Variants in MBNL2 observed in about 807,000 individuals in gnomAD.
The protein encoded by MBNL2 is muscleblind like splicing regulator 2, also known as muscleblind-like protein 2.
Under a neutral mutation model 41.9 loss-of-function variants are expected in MBNL2, and 17 were observed. That is an observed-to-expected ratio of 0.41 (90% CI 0.28 to 0.61). MBNL2 has a LOEUF of 0.61. MBNL2 is among the 20% of genes least tolerant of loss of function. MBNL2 has a pLI of 0.35. For missense variants in MBNL2, 336 were observed against 505.6 expected, an observed-to-expected ratio of 0.66 and a Z score of 3.22; for synonymous variants, 195 against 182.9, an observed-to-expected ratio of 1.07 and a Z score of -0.53.
chr13:97,372,340 T>C (rs140653082), intron 8 of MBNL2, among the ~76,000 whole-genome samples: 2,122 of 152,310 alleles, frequency 0.014, 26 homozygotes, highest in Non-Finnish European at 0.022. Context: ...CCTCCAAAGA[T>C]TAAGTACATT....
intron 1 of MBNL2, among the ~76,000 whole-genome samples, chr13:97,233,418 G>A (rs1041460887): frequency 1.4e-5 from 2 of 142,588 alleles, no homozygotes; most frequent in African/African-American, 5.3e-5. Context: ...CTGCTCCTGC[G>A]CTAGCCCATG....
intron 8 of MBNL2, among the ~76,000 whole-genome samples, chr13:97,390,500 A>G (rs1249816905): frequency 6.6e-6 from 1 of 152,236 alleles, no homozygotes; most frequent in Non-Finnish European, 1.5e-5. Flanking sequence ...AGCATTAGAA[A>G]AGATTAAATA....
chr13:97,291,408 A>AT (rs1302844359), intron 2 of MBNL2, among the ~76,000 whole-genome samples: 1 of 151,858 alleles, frequency 6.6e-6, no homozygotes, highest in African/African-American at 2.4e-5. Flanking sequence ...CACTCAGCTA[A>AT]TTTTTTGTAT....
intron 8 of MBNL2, among the ~76,000 whole-genome samples, chr13:97,388,302 TATAC>T (rs1199040165): frequency 1.1e-5 from 1 of 89,518 alleles, no homozygotes; most frequent in Admixed American, 1.3e-4. Context: ...AGTTTATACA[TATAC>T]ATACATACAT....
At chr13:97,157,709 G>A in the MBNL2 span, among the ~76,000 whole-genome samples, 33 of 147,632 alleles carry the variant, frequency 2.2e-4, no homozygotes, top group South Asian at 1.7e-3. Flanking sequence ...ATTGATTTGC[G>A]TATATTGAAC....
intron 3 of MBNL2, among the ~76,000 whole-genome samples, chr13:97,336,241 T>A (rs9554389): frequency 0.32 from 48,692 of 152,136 alleles, 7,944 homozygotes; most frequent in African/African-American, 0.35. Flanking sequence ...TAGAGGTTTT[T>A]AAATCACTGG....
chr13:97,379,580 G>C (rs529217570), intron 8 of MBNL2, among the ~76,000 whole-genome samples: 6 of 150,794 alleles, frequency 4.0e-5, no homozygotes, highest in South Asian at 2.1e-4. Flanking sequence ...TGAAACCACA[G>C]AGCTAAATGA....
chr13:97,380,049 T>C (rs2065292725), intron 8 of MBNL2, among the ~76,000 whole-genome samples: 1 of 152,222 alleles, frequency 6.6e-6, no homozygotes, highest in Non-Finnish European at 1.5e-5. Context: ...TGGTTCTTCT[T>C]GCATTAAAAA....
intron 1 of MBNL2, among the ~76,000 whole-genome samples, chr13:97,231,435 A>C (rs1341292103): frequency 2.6e-5 from 4 of 152,186 alleles, no homozygotes. Context: ...TCACTGCCAC[A>C]ATGTGAGTGG....
chr13:97,181,145 A>C, the MBNL2 span, among the ~76,000 whole-genome samples: 1 of 145,862 alleles, frequency 6.9e-6, no homozygotes, highest in Non-Finnish European at 1.5e-5. Flanking sequence ...CCCTTCTGTG[A>C]CCCTTCTGAC....
chr13:97,160,276 G>T, the MBNL2 span, among the ~76,000 whole-genome samples: 7 of 152,106 alleles, frequency 4.6e-5, no homozygotes, highest in Non-Finnish European at 1.5e-5. Context: ...ACTGCATTTT[G>T]CTCACCTTGT....
chr13:97,216,699 A>G (rs533691431), upstream of MBNL2, among the ~76,000 whole-genome samples: 1 of 152,186 alleles, frequency 6.6e-6, no homozygotes, highest in Non-Finnish European at 1.5e-5. Flanking sequence ...ACATCATCAA[A>G]CATTAATTTT....
the MBNL2 span, among the ~76,000 whole-genome samples, chr13:97,156,406 C>T: frequency 1.4e-5 from 2 of 146,160 alleles, no homozygotes; most frequent in Non-Finnish European, 3.0e-5. Flanking sequence ...TTAATTAGAT[C>T]CCATTTGTCA....
rs969367199 is a variant in MBNL2 at position 97,268,722 on chromosome 13, A to G, written c.-604-6910A>G. 2.6e-5 allele frequency among the ~76,000 whole-genome samples: 4 copies of G among 152,242 alleles called. No homozygotes were observed. The highest frequency in any genetic ancestry group is 1.5e-5 in the Non-Finnish European group (1 of 68,046). On this transcript the variant is annotated intron_variant, in intron 1 of 8. Coordinates refer to ENST00000679496, the MANE Select transcript of MBNL2 (RefSeq NM_001382683.1). The surrounding 1 kb of genome is among the most constrained non-coding windows in gnomAD (Gnocchi z 4.6). ...AACATTTGTCCAGTATATTCTGCAT[A>G]CCAGGCACTGAACTGAACTCTGGGG... is the stretch of plus-strand genomic sequence containing the variant.
intron 1 of MBNL2, among the ~76,000 whole-genome samples, chr13:97,231,695 C>T (rs965055751): frequency 2.0e-5 from 3 of 152,276 alleles, no homozygotes; most frequent in South Asian, 2.1e-4. Context: ...TCCCCATTCC[C>T]GAGACGTCTA....
At chr13:97,212,473 C>T in the MBNL2 span, among the ~76,000 whole-genome samples, 1 of 152,120 alleles carries the variant, frequency 6.6e-6, no homozygotes, top group Non-Finnish European at 1.5e-5. Flanking sequence ...TTCTCCTTTT[C>T]CTTTTACTTT....
At chr13:97,149,604 T>TA in the MBNL2 span, among the ~76,000 whole-genome samples, 1 of 152,126 alleles carries the variant, frequency 6.6e-6, no homozygotes, top group Non-Finnish European at 1.5e-5. Flanking sequence ...TACAGCAGCT[T>TA]AAACAGGTAG....
intron 1 of MBNL2, among the ~76,000 whole-genome samples, chr13:97,265,869 G>C (rs2049663693): frequency 1.3e-5 from 2 of 152,106 alleles, no homozygotes; most frequent in Admixed American, 6.6e-5. Flanking sequence ...CAGAGGCAGA[G>C]AGAGTAGAGT....
At chr13:97,372,428 G>A (rs537212396) in intron 8 of MBNL2, among the ~76,000 whole-genome samples, 114 of 151,888 alleles carry the variant, frequency 7.5e-4, no homozygotes, top group African/African-American at 2.7e-3. Context: ...CACATCTTCT[G>A]AACTCTCCTC....
Sources: allele counts gnomAD v4.1 joint callset (sites outside exome capture counted in the v4.1 genomes callset), GRCh38; gene constraint gnomAD v4.1.1; non-coding constraint Gnocchi (gnomAD v3.1); transcripts MANE v1.5; gene names NCBI Gene and HGNC (gene_info 2026-07-23, HGNC 2026-07-21).